The following AP3D1 variants were observed in gnomAD, a reference collection of about 807,000 sequenced individuals.
AP3D1 encodes the protein AP-3 complex subunit delta-1.
Under a neutral mutation model 147.6 loss-of-function variants are expected in AP3D1, and 51 were observed. The observed-to-expected ratio is 0.35, with a 90% confidence interval of 0.28 to 0.44. The LOEUF is 0.44. AP3D1 is among the 20% of genes least tolerant of loss of function. The pLI is 1.00. For missense variants in AP3D1, 1,421 were observed against 1,624.2 expected, an observed-to-expected ratio of 0.87 and a Z score of 2.15; for synonymous variants, 760 against 663.0, an observed-to-expected ratio of 1.15 and a Z score of -2.25.
intron 5 of AP3D1, 68 bp from the exon 6 acceptor site, chr19:2,130,605 C>A: frequency 1.9e-6 from 3 of 1,594,712 alleles, no homozygotes; most frequent in Non-Finnish European, 2.6e-6. Flanking sequence ...CCCCTCCCAG[C>A]CGCCTCCTCC....
At chr19:2,107,036 G>A (rs1412261431) in intron 31 of AP3D1, among the ~76,000 whole-genome samples, 1 of 152,132 alleles carries the variant, frequency 6.6e-6, no homozygotes, top group Non-Finnish European at 1.5e-5. Flanking sequence ...GGCCGAGGCA[G>A]ACAGATCATG....
intron 22 of AP3D1, among the ~76,000 whole-genome samples, chr19:2,113,678 C>A (rs1369659313): frequency 1.3e-5 from 2 of 152,338 alleles, no homozygotes; most frequent in South Asian, 4.1e-4. Context: ...AGGCCCGTGG[C>A]GGCCCATATG....
intron 1 of AP3D1, 44 bp downstream of exon 1, chr19:2,151,195 G>A (rs756298821): frequency 1.1e-5 from 17 of 1,578,062 alleles, no homozygotes; most frequent in South Asian, 2.3e-5. Context: ...CCCTGGGCCG[G>A]GGCTGTGACC....
intron 5 of AP3D1, 57 bp from the exon 6 acceptor site, chr19:2,130,594 G>A (rs998582229): frequency 8.1e-6 from 13 of 1,599,624 alleles, no homozygotes; most frequent in Admixed American, 5.0e-5. Context: ...CCCTGCTCTC[G>A]CCCCTCCCAG....
At chr19:2,163,214 C>G (rs575473184) in intron 1 of AP3D1, among the ~76,000 whole-genome samples, 6 of 152,252 alleles carry the variant, frequency 3.9e-5, no homozygotes, top group African/African-American at 1.4e-4. Flanking sequence ...GCTGGGATTA[C>G]AGGCGCCCGC....
rs1349473408 is a variant in AP3D1 at position 2,102,180 on chromosome 19, T to G, written c.3641A>C (p.Lys1214Thr). The change falls in exon 32 of 32, where the codon AAG (lysine) becomes ACG (threonine). Residue 1214 changes from lysine to threonine, a missense_variant. Around this residue, in one of 6 missense-constraint regions of AP3D1, gnomAD observed 17 missense variants for 17.5 expected, o/e 0.97. Coordinates refer to ENST00000643116, the MANE Select transcript of AP3D1 (RefSeq NM_001261826.3). The part of the protein sequence containing the change: ...LLEEMKATLA[K>T]C ...GGGGCTCGCAGGCAGCTCTCAACACTTGGCCAGCGTCGCCTTCATCTCTTC... is the reference window on the plus strand; with the variant it reads ...GGGGCTCGCAGGCAGCTCTCAACACGTGGCCAGCGTCGCCTTCATCTCTTC... 6.2e-7 allele frequency: 1 copy of G among 1,613,508 alleles called. No homozygotes were observed. The highest frequency in any genetic ancestry group is 8.5e-7 in the Non-Finnish European group (1 of 1,179,760).
intron 10 of AP3D1, 87 bp from the exon 11 acceptor site, chr19:2,123,493 G>T: frequency 7.1e-7 from 1 of 1,407,756 alleles, no homozygotes; most frequent in Non-Finnish European, 9.9e-7. Flanking sequence ...ACCTCAACCT[G>T]GCCTAAGGCC....
At chr19:2,148,146 CAA>C (rs5826756) in intron 1 of AP3D1, among the ~76,000 whole-genome samples, 51 of 98,100 alleles carry the variant, frequency 5.2e-4, no homozygotes, top group Non-Finnish European at 6.0e-4. Flanking sequence ...GACTCCGTCT[CAA>C]AAAAAAAAAA....
At chr19:2,113,205 C>T in intron 23 of AP3D1, 131 bp downstream of exon 23, 1 of 650,860 alleles carries the variant, frequency 1.5e-6, no homozygotes, top group Non-Finnish European at 2.7e-6. Context: ...CCACTCAGTG[C>T]TGGGTCCCAC....
Position 2,115,132 on chromosome 19 carries a change from A to G in AP3D1, c.2349+87T>C, listed in dbSNP as rs571088072. 2.4e-5 allele frequency: 33 copies of G among 1,389,798 alleles called. No homozygotes were observed. The East Asian group carries it at 6.9e-4, about 29-fold the overall frequency. The allele number at this position is 1,389,798 out of a possible 1,614,324, so 86.1% of individuals were successfully genotyped here. On this transcript the variant is annotated intron_variant, in intron 20 of 31. Coordinates refer to ENST00000643116, the MANE Select transcript of AP3D1 (RefSeq NM_001261826.3). ...CTCATCCCAGCCACCAACGAAGACCATGGGGAGAGGCCACTGTGCATGGCC... is the reference window on the plus strand; with the variant it reads ...CTCATCCCAGCCACCAACGAAGACCGTGGGGAGAGGCCACTGTGCATGGCC...
intron 1 of AP3D1, among the ~76,000 whole-genome samples, chr19:2,149,401 G>T (rs2019446581): frequency 1.3e-5 from 2 of 152,028 alleles, no homozygotes; most frequent in Admixed American, 1.3e-4. Context: ...AAAATTAGCT[G>T]GGTGTGGTGG....
At chr19:2,151,578 C>T (rs1000799424), upstream of AP3D1, 1 of 156,348 alleles carries the variant, frequency 6.4e-6, no homozygotes, top group African/African-American at 2.4e-5. Flanking sequence ...GGTCAGCTGA[C>T]GACGAGCGCC....
intron 14 of AP3D1, among the ~76,000 whole-genome samples, chr19:2,119,187 G>A (rs764004164): frequency 2.6e-5 from 4 of 152,206 alleles, no homozygotes; most frequent in Non-Finnish European, 5.9e-5. Context: ...GTGGGGCCTC[G>A]GGGTGCGCCT....
chr19:2,111,615 G>T, intron 25 of AP3D1, 64 bp downstream of exon 25: 1 of 1,509,346 alleles, frequency 6.6e-7, no homozygotes, highest in Non-Finnish European at 8.9e-7. Flanking sequence ...CTGCAGGAGT[G>T]GGGAGCAGCG....
rs1278023017 is a variant in AP3D1 at position 2,123,450 on chromosome 19, A to C, written c.907-44T>G. ...CGATGCTGGTTACATCCTCTAAACCAAGGGTGAGTCCCACAGGTACCCTCC... is the reference window on the plus strand; with the variant it reads ...CGATGCTGGTTACATCCTCTAAACCCAGGGTGAGTCCCACAGGTACCCTCC... On this transcript the variant is annotated intron_variant, in intron 10 of 31. Transcript: ENST00000643116. The C allele has an allele frequency of 5.6e-6, 9 of 1,603,616 alleles. No individual in the cohort carries two copies. In the Admixed American group the frequency reaches 8.4e-5, roughly 15 times the overall value.
intron 6 of AP3D1, 152 bp from the exon 7 acceptor site, chr19:2,129,609 A>G (rs2018879209): frequency 1.1e-6 from 1 of 950,874 alleles, no homozygotes; most frequent in Non-Finnish European, 1.5e-6. Context: ...TGACAGGGAC[A>G]GCAGCCACAG....
rs575460608 is a variant in AP3D1, at chr19:2,108,841, C to G, written c.3473-75G>C. The G allele has an allele frequency of 8.1e-6, 12 of 1,475,208 alleles. No individual in the cohort carries two copies. In the East Asian group the frequency reaches 3.0e-4, roughly 37 times the overall value. The allele number at this position is 1,475,208 out of a possible 1,614,324, so 91.4% of individuals were successfully genotyped here. A position where few individuals can be genotyped will look rare whatever the true frequency, so the allele number is the denominator to read the frequency against. On this transcript the variant is annotated intron_variant, in intron 30 of 31. Transcript: ENST00000643116. ...GCCCCACCCCCAGAGCAGGGGCCAC[C>G]TTCTTGGGCTGCCCTTGGCCACAGC...
intron 22 of AP3D1, among the ~76,000 whole-genome samples, chr19:2,113,911 T>C (rs914697717): frequency 6.6e-5 from 10 of 152,136 alleles, no homozygotes; most frequent in African/African-American, 1.7e-4. Flanking sequence ...CATGGGATCG[T>C]TGGGTCCTCC....
chr19:2,135,688 C>T (rs1016243101), intron 4 of AP3D1, among the ~76,000 whole-genome samples: 9 of 152,216 alleles, frequency 5.9e-5, no homozygotes, highest in Non-Finnish European at 5.9e-5. Context: ...GTCAGAGCCG[C>T]GCCCGACACA....
Sources: gnomAD v4.1 joint callset for allele counts (sites outside exome capture counted in the v4.1 genomes callset) on GRCh38, gnomAD v4.1.1 for gene constraint, gnomAD v4.1.1 regional missense constraint, MANE v1.5 for transcripts, NCBI Gene and HGNC (gene_info 2026-07-23, HGNC 2026-07-21) for gene names.